The following ZNF195 variants were observed in gnomAD, a reference collection of about 807,000 sequenced individuals.
ZNF195 encodes the protein hypoxia-regulated factor-1.
ZNF195 carries 11 observed loss-of-function variants against 19.5 expected under a neutral mutation model. That is an observed-to-expected ratio of 0.57 (90% CI 0.36 to 0.94). The LOEUF (loss-of-function observed/expected upper bound fraction) is 0.94. ZNF195 is among the 40% of genes least tolerant of loss of function. The pLI is 0.01. For missense variants in ZNF195, 582 were observed against 709.0 expected (o/e 0.82, Z 2.03); for synonymous variants, 214 against 248.1 (o/e 0.86, Z 1.29).
intron 1 of ZNF195, among the ~76,000 whole-genome samples, chr11:3,372,954 G>A (rs1461672310): frequency 2.6e-5 from 4 of 152,144 alleles, no homozygotes; most frequent in South Asian, 2.1e-4. Context: ...GGCTGGTCTC[G>A]AACTCCTGGC....
At position 3,358,029 on chromosome 11, in the gene ZNF195, G is replaced by A. The variant is rs1359172333; in HGVS notation, c.*1089C>T. ...CAGGTTTTTATAGGGCCAGAACTAG[G>A]TCGGGGTGCGGGAGCTGAGTTGGGG... On this transcript the variant is annotated 3_prime_UTR_variant, in exon 6 of 6. Transcript: ENST00000399602. 1 of 152,056 alleles carries A rather than the reference G, an allele frequency of 6.6e-6. No homozygotes were observed. The highest frequency in any genetic ancestry group is 1.9e-4 in the East Asian group (1 of 5,158). The allele number at this position is 152,056 out of a possible 1,614,324, so 9.4% of individuals were successfully genotyped here. A position where few individuals can be genotyped will look rare whatever the true frequency, so the allele number is the denominator to read the frequency against.
intron 1 of ZNF195, among the ~76,000 whole-genome samples, chr11:3,374,656 C>A (rs899691910): frequency 6.6e-6 from 1 of 152,226 alleles, no homozygotes; most frequent in Non-Finnish European, 1.5e-5. Flanking sequence ...ACCAAGTGTC[C>A]TGCAACTCTC....
Position 3,358,915 on chromosome 11 carries a change from G to A in ZNF195, c.*203C>T. The A allele has an allele frequency of 1.6e-6, 1 of 620,300 alleles. No homozygotes were observed. The allele number at this position is 620,300 out of a possible 1,614,324, so 38.4% of individuals were successfully genotyped here. On this transcript the variant is annotated 3_prime_UTR_variant, in exon 6 of 6. Coordinates refer to ENST00000399602, the MANE Select transcript of ZNF195 (RefSeq NM_001130520.3). ...AAATTTTCTGAAAGTTTAAGCAACT[G>A]ATGCAAGTCTTCCATCTAGTATAAT...
intron 3 of ZNF195, chr11:3,362,651 C>A: frequency 3.8e-6 from 2 of 526,078 alleles, no homozygotes; most frequent in Non-Finnish European, 6.9e-6. Flanking sequence ...GCTTATTATA[C>A]AAAGTACAAG....
chr11:3,365,157 A>G (rs1323686579), intron 3 of ZNF195, among the ~76,000 whole-genome samples: 2 of 152,188 alleles, frequency 1.3e-5, no homozygotes, highest in African/African-American at 2.4e-5. Flanking sequence ...TATATAAAGC[A>G]AATATGGAGA....
intron 3 of ZNF195, among the ~76,000 whole-genome samples, chr11:3,366,222 C>A (rs556138548): frequency 1.6e-3 from 238 of 146,742 alleles, no homozygotes; most frequent in Middle Eastern, 3.5e-3. Context: ...AGAGATCGCA[C>A]CACTGCACTC....
intron 1 of ZNF195, chr11:3,375,770 T>A (rs1174839607): frequency 1.3e-5 from 2 of 152,198 alleles, no homozygotes; most frequent in Non-Finnish European, 2.9e-5. Flanking sequence ...TGGATACCAA[T>A]GAGGTTTCTT....
Position 3,371,009 on chromosome 11 carries a change from A to G in ZNF195, c.192T>C (p.Asn64=). The change falls in exon 3 of 6, where the codon AAT becomes AAC. Residue 64 remains asparagine, a synonymous_variant. Transcript: ENST00000399602. ...CGTCTGCTGCCTCCTGTCTCTTCACATTCCAGGGCTCTTTTCGTTGCTCCA... is the reference window on the plus strand; with the variant it reads ...CGTCTGCTGCCTCCTGTCTCTTCACGTTCCAGGGCTCTTTTCGTTGCTCCA... The part of the protein sequence containing the change: ...TCLEQRKEPW[N]VKRQEAADGH... 6.2e-7 allele frequency: 1 copy of G among 1,614,082 alleles called. No homozygotes were observed. The highest frequency in any genetic ancestry group is 8.5e-7 in the Non-Finnish European group (1 of 1,179,984).
rs1450982981 is a variant in ZNF195 at position 3,360,776 on chromosome 11, G to A, written c.386C>T (p.Pro129Leu). 6 of 1,551,388 alleles carry A rather than the reference G, an allele frequency of 3.9e-6. No individual in the cohort carries two copies. In the African/African-American group the frequency reaches 8.2e-5, roughly 21 times the overall value. ...SVDKFTALCS[P>L]GVLQTVKWFL... ...CCATTTCACAGTTTGCAGCACCCCA[G>A]GTGAGCACAGTGCTAGGAGCCAGAT... Residue 129 changes from proline to leucine, a missense_variant, in exon 5 of 6, where the codon CCT becomes CTT. Around this residue, in one of 3 missense-constraint regions of ZNF195, gnomAD observed 129 missense variants for 112.1 expected, o/e 1.15. Coordinates refer to ENST00000399602, the MANE Select transcript of ZNF195 (RefSeq NM_001130520.3).
At chr11:3,376,838 G>A (rs1414588331) in intron 1 of ZNF195, among the ~76,000 whole-genome samples, 3 of 152,132 alleles carry the variant, frequency 2.0e-5, no homozygotes, top group African/African-American at 7.2e-5. Flanking sequence ...AGATACTCAT[G>A]ACAACAAATT....
chr11:3,364,479 AT>A (rs1848772185), intron 3 of ZNF195, among the ~76,000 whole-genome samples: 1 of 151,956 alleles, frequency 6.6e-6, no homozygotes, highest in South Asian at 2.1e-4. Flanking sequence ...ATCTGAAAAA[AT>A]ATCTGCATAA....
intron 2 of ZNF195, among the ~76,000 whole-genome samples, 171 bp downstream of exon 2, chr11:3,371,406 A>G (rs1234595586): frequency 8.4e-6 from 1 of 119,358 alleles, no homozygotes; most frequent in Non-Finnish European, 1.8e-5. Context: ...AAGATGAACC[A>G]CATTTTGAAG....
intron 1 of ZNF195, 111 bp downstream of exon 1, chr11:3,378,927 G>A (rs1278484084): frequency 1.4e-5 from 17 of 1,245,322 alleles, no homozygotes; most frequent in South Asian, 2.8e-5. Context: ...GAGGGGCCTC[G>A]GGTCCGCGGA....
At position 3,359,234 on chromosome 11, in the gene ZNF195, T is replaced by C; in HGVS notation, c.1774A>G (p.Asn592Asp). Residue 592 changes from asparagine (N) to aspartate (D), a missense_variant, in exon 6 of 6, where the codon AAC becomes GAC. Coordinates refer to ENST00000399602, the MANE Select transcript of ZNF195 (RefSeq NM_001130520.3). The surrounding 1 kb of genome is among the most constrained non-coding windows in gnomAD (Gnocchi z 5.5). ...TGAATTCTCTTATGTACAATAAGGT[T>C]TGAGGACTGGGTAAAGTTTTTTCCA... ...ECGKNFTQSS[N>D]LIVHKRIHTG... 6.2e-6 allele frequency: 10 copies of C among 1,614,050 alleles called. No individual in the cohort carries two copies. Among genetic ancestry groups the C allele is most frequent in the Non-Finnish European group, 7.6e-6 (9 of 1,179,996 alleles).
At chr11:3,378,947 C>G (rs1350337030) in intron 1 of ZNF195, 91 bp downstream of exon 1, 1 of 1,293,500 alleles carries the variant, frequency 7.7e-7, no homozygotes, top group Non-Finnish European at 9.9e-7. Context: ...AGCCCGGAAC[C>G]CACCCGGGCA....
At position 3,370,999 on chromosome 11, in the gene ZNF195, G is replaced by T. The variant is rs1849180300; in HGVS notation, c.202C>A (p.Gln68Lys). The change falls in exon 3 of 6, where the codon CAG becomes AAG. Residue 68 changes from glutamine to lysine, a missense_variant. By Grantham distance (53) the Gln-to-Lys change is moderately conservative. This residue lies in a region of ZNF195 where 129 missense variants were observed against 112.1 expected (regional missense o/e 1.15). Transcript: ENST00000399602. ...QRKEPWNVKR[Q>K]EAADGHPEMG... ...CCTGGATGTCCGTCTGCTGCCTCCT[G>T]TCTCTTCACATTCCAGGGCTCTTTT... The T allele has an allele frequency of 6.2e-7, 1 of 1,614,094 alleles. No individual in the cohort carries two copies. Among genetic ancestry groups the T allele is most frequent in the East Asian group, 2.2e-5 (1 of 44,888 alleles).
chr11:3,360,822 A>G (rs1848600995), intron 4 of ZNF195, 34 bp from the exon 5 acceptor site: 2 of 1,545,816 alleles, frequency 1.3e-6, no homozygotes, highest in African/African-American at 1.4e-5. Flanking sequence ...ACAGTCTGTT[A>G]CGTTTACCCA....
At chr11:3,369,899 C>T (rs778732975) in intron 3 of ZNF195, among the ~76,000 whole-genome samples, 6 of 152,170 alleles carry the variant, frequency 3.9e-5, no homozygotes, top group Non-Finnish European at 8.8e-5. Flanking sequence ...AAGGTAATTA[C>T]GTGAAGTGAT....
At chr11:3,378,928 G>A (rs1564932676) in intron 1 of ZNF195, 110 bp downstream of exon 1, 5 of 1,251,848 alleles carry the variant, frequency 4.0e-6, no homozygotes, top group Non-Finnish European at 4.1e-6. Flanking sequence ...AGGGGCCTCG[G>A]GTCCGCGGAG....
Sources: gnomAD v4.1 joint callset for allele counts (sites outside exome capture counted in the v4.1 genomes callset) on GRCh38, gnomAD v4.1.1 for gene constraint, gnomAD v4.1.1 regional missense constraint, Gnocchi (gnomAD v3.1) non-coding constraint, MANE v1.5 for transcripts, NCBI Gene and HGNC (gene_info 2026-07-23, HGNC 2026-07-21) for gene names.